Variants in B3GALT1 observed in about 807,000 individuals in gnomAD.
B3GALT1 encodes UDP-Gal:betaGlcNAc beta 1,3-galactosyltransferase, polypeptide 1.
B3GALT1 carries 10 observed loss-of-function variants against 23.2 expected under a neutral mutation model. The observed-to-expected ratio is 0.43, with a 90% CI of 0.27 to 0.73. B3GALT1 has a LOEUF of 0.73. B3GALT1 is among the 30% of genes least tolerant of loss of function. The pLI is 0.21. For synonymous variants in B3GALT1, 156 were observed against 141.5 expected (o/e 1.10, Z -0.73); for missense variants, 299 against 405.4 (o/e 0.74, Z 2.25).
chr2:167,760,756 G>A (rs909532419), intron 3 of B3GALT1, among the ~76,000 whole-genome samples: 9 of 151,970 alleles, frequency 5.9e-5, no homozygotes, highest in East Asian at 3.9e-4. Context: ...TGGCTTCTTC[G>A]TTAGTTTCTC....
chr2:167,734,728 G>T (rs1011146800), intron 3 of B3GALT1, among the ~76,000 whole-genome samples: 5 of 152,118 alleles, frequency 3.3e-5, no homozygotes, highest in Non-Finnish European at 5.9e-5. Context: ...ATCGTTCCTG[G>T]ACTGCTTTTC....
intron 1 of B3GALT1, among the ~76,000 whole-genome samples, chr2:167,437,486 AGTT>A (rs1698808591): frequency 6.6e-6 from 1 of 152,208 alleles, no homozygotes; most frequent in South Asian, 2.1e-4. Flanking sequence ...TGTCAAAAGT[AGTT>A]TTAAAATTTG....
intron 1 of B3GALT1, among the ~76,000 whole-genome samples, chr2:167,422,363 C>T (rs1296999469): frequency 6.6e-6 from 1 of 152,174 alleles, no homozygotes; most frequent in Non-Finnish European, 1.5e-5. Context: ...GACTTTCTAG[C>T]CTCCAGAACT....
chr2:167,470,736 T>C (rs936248823), intron 1 of B3GALT1, among the ~76,000 whole-genome samples: 3 of 152,216 alleles, frequency 2.0e-5, no homozygotes, highest in Non-Finnish European at 2.9e-5. Context: ...TAGTTAAGAT[T>C]GGGTTCATCT....
chr2:167,767,834 A>G (rs2105305480), intron 3 of B3GALT1, among the ~76,000 whole-genome samples: 1 of 152,306 alleles, frequency 6.6e-6, no homozygotes, highest in African/African-American at 2.4e-5. Context: ...TTTATTATAA[A>G]GTTTTGACTC....
Position 167,335,248 on chromosome 2 carries a change from A to C in B3GALT1, c.-511+41914A>C, listed in dbSNP as rs112578020. On this transcript the variant is annotated intron_variant, in intron 1 of 4. Transcript: ENST00000392690. ...TAAAAAACAGTAGTAGTACAGCTGA[A>C]TTTATTCTAAAAAGTAGATTGGCTT... 2.0e-5 allele frequency among the ~76,000 whole-genome samples: 3 copies of C among 152,220 alleles called. 1 individual carries two copies. The highest frequency in any genetic ancestry group is 7.2e-5 in the African/African-American group (3 of 41,540).
intron 2 of B3GALT1, among the ~76,000 whole-genome samples, chr2:167,550,333 G>A (rs140154834): frequency 3.9e-5 from 6 of 152,220 alleles, no homozygotes; most frequent in African/African-American, 1.4e-4. Flanking sequence ...TCTAGACTTT[G>A]TGACCTAAAA....
At chr2:167,322,586 TG>T (rs1317683658) in intron 1 of B3GALT1, among the ~76,000 whole-genome samples, 3 of 152,004 alleles carry the variant, frequency 2.0e-5, no homozygotes, top group Non-Finnish European at 2.9e-5. Context: ...ACGAGTGATT[TG>T]GATATTGAAA....
chr2:167,836,436 GATGAAATGA>G (rs1379347643), intron 4 of B3GALT1, among the ~76,000 whole-genome samples: 3 of 152,280 alleles, frequency 2.0e-5, no homozygotes, highest in African/African-American at 7.2e-5. Context: ...AGCAATGGAA[GATGAAATGA>G]ATGAAATGAA....
At chr2:167,465,654 C>T (rs1298319660) in intron 1 of B3GALT1, among the ~76,000 whole-genome samples, 1 of 152,134 alleles carries the variant, frequency 6.6e-6, no homozygotes, top group Non-Finnish European at 1.5e-5. Flanking sequence ...TAGGTGTCAA[C>T]ATATGAATTT....
chr2:167,559,681 G>A (rs183672407), intron 2 of B3GALT1, among the ~76,000 whole-genome samples: 22 of 152,318 alleles, frequency 1.4e-4, no homozygotes, highest in Non-Finnish European at 2.2e-4. Context: ...GACCCAGTGC[G>A]ATCAACTGGA....
chr2:167,656,164 A>G (rs1294921524), intron 3 of B3GALT1, among the ~76,000 whole-genome samples: 1 of 152,104 alleles, frequency 6.6e-6, no homozygotes, highest in Non-Finnish European at 1.5e-5. Context: ...AGAGGCCTTC[A>G]AACTGAAAAC....
chr2:167,566,233 C>G (rs1684163202), intron 2 of B3GALT1, among the ~76,000 whole-genome samples: 2 of 151,786 alleles, frequency 1.3e-5, no homozygotes, highest in Non-Finnish European at 2.9e-5. Flanking sequence ...TCATCATTCT[C>G]AATAAACTAT....
In B3GALT1 at chr2:167,870,512, G is replaced by GTCTT. The variant is rs1340406434; in HGVS notation, c.*494_*497dup. ...CATATATTCCCATGTAATGTGTACA[G>GTCTT]TCTTTGCAGTTCCACCAAGAAATGA... On this transcript the variant is annotated 3_prime_UTR_variant, in exon 5 of 5. Transcript: ENST00000392690. 1 of 167,500 alleles carries GTCTT rather than the reference G, an allele frequency of 6.0e-6. No individual in the cohort carries two copies. The highest frequency in any genetic ancestry group is 2.4e-5 in the African/African-American group (1 of 41,428). The allele number at this position is 167,500 out of a possible 1,614,324, so 10.4% of individuals were successfully genotyped here. A position where few individuals can be genotyped will look rare whatever the true frequency, so the allele number is the denominator to read the frequency against.
intron 2 of B3GALT1, among the ~76,000 whole-genome samples, chr2:167,531,429 A>C (rs1683325240): frequency 6.6e-6 from 1 of 152,132 alleles, no homozygotes; most frequent in South Asian, 2.1e-4. Context: ...ATCAACCACC[A>C]GGTGTGAAGA....
chr2:167,713,830 A>G, intron 3 of B3GALT1: 1 of 1,592,954 alleles, frequency 6.3e-7, no homozygotes, highest in Non-Finnish European at 8.6e-7. Context: ...TTGCAAATGG[A>G]GCATGTGGTG....
At chr2:167,461,917 G>A (rs531505080) in intron 1 of B3GALT1, among the ~76,000 whole-genome samples, 34 of 152,238 alleles carry the variant, frequency 2.2e-4, no homozygotes, top group African/African-American at 7.5e-4. Context: ...TTACCATGTT[G>A]CAATATAAAA....
At chr2:167,299,973 G>A (rs1696419616) in intron 1 of B3GALT1, among the ~76,000 whole-genome samples, 1 of 151,934 alleles carries the variant, frequency 6.6e-6, no homozygotes, top group African/African-American at 2.4e-5. Flanking sequence ...TGCCATCTCG[G>A]CTCACTGCAA....
intron 1 of B3GALT1, among the ~76,000 whole-genome samples, chr2:167,413,813 ATAC>A (rs1698428197): frequency 6.6e-6 from 1 of 151,838 alleles, no homozygotes; most frequent in Non-Finnish European, 1.5e-5. Context: ...TTAAGTTTCT[ATAC>A]TATCATTTTG....
Sources: gnomAD v4.1 joint callset for allele counts (sites outside exome capture counted in the v4.1 genomes callset) on GRCh38, gnomAD v4.1.1 for gene constraint, MANE v1.5 for transcripts, NCBI Gene and HGNC (gene_info 2026-07-23, HGNC 2026-07-21) for gene names.